Variants in FMNL3 observed in about 807,000 individuals in gnomAD.
FMNL3 encodes formin-like protein 3.
Under a neutral mutation model 119.6 loss-of-function variants are expected in FMNL3, and 57 were observed. The ratio of observed to expected loss-of-function variants is 0.48; its 90% CI spans 0.39 to 0.59. The LOEUF (loss-of-function observed/expected upper bound fraction) is 0.59. FMNL3 is among the 20% of genes least tolerant of loss of function. The probability of loss-of-function intolerance (pLI) is 0.00; values close to 1 mark genes in which losing one functional copy is unlikely to be tolerated. For missense variants in FMNL3, 1,053 were observed against 1,323.5 expected (o/e 0.80, Z 3.17); for synonymous variants, 491 against 507.3 (o/e 0.97, Z 0.43).
chr12:49,662,944 G>A (rs1424374717), intron 4 of FMNL3, among the ~76,000 whole-genome samples: 1 of 152,152 alleles, frequency 6.6e-6, no homozygotes, highest in African/African-American at 2.4e-5. Context: ...AGAATTTCTG[G>A]GGGTCTTTAT....
chr12:49,647,019 A>G lies in FMNL3; in HGVS notation c.2872-10T>C, dbSNP rs756881275. 7 of 1,591,186 alleles carry G rather than the reference A, an allele frequency of 4.4e-6. No individual in the cohort carries two copies. Among genetic ancestry groups the G allele is most frequent in the Non-Finnish European group, 5.9e-6 (7 of 1,177,438 alleles). The stretch of plus-strand genomic sequence containing the variant: ...TCCGCTGGGATGGGGTCTAGGGCCA[A>G]GAATGTGGAGGGGAAGGAAGTCATC... On this transcript the variant is annotated splice_polypyrimidine_tract_variant and intron_variant, in intron 24 of 25. Coordinates refer to ENST00000335154, the MANE Select transcript of FMNL3 (RefSeq NM_175736.5). The surrounding 1 kb of genome is among the most constrained non-coding windows in gnomAD (Gnocchi z 4.9).
At chr12:49,681,119 G>A (rs189661346) in intron 1 of FMNL3, among the ~76,000 whole-genome samples, 1 of 152,388 alleles carries the variant, frequency 6.6e-6, no homozygotes, top group East Asian at 1.9e-4. Context: ...CACAGAGTAA[G>A]AGAGAGACTG....
Position 49,637,719 on chromosome 12 carries a change from C to T in FMNL3, c.*8096G>A, listed in dbSNP as rs755544540. The T allele has an allele frequency of 3.2e-6, 5 of 1,563,724 alleles. No individual in the cohort carries two copies. Among genetic ancestry groups the T allele is most frequent in the Non-Finnish European group, 2.6e-6 (3 of 1,138,148 alleles). On this transcript the variant is annotated 3_prime_UTR_variant, in exon 26 of 26. Transcript: ENST00000335154. ...GCTGCCGCCCGCCAGGCCCCCCTCC[C>T]TCCCTCCTTACAGGCTCCACCCCTC...
intron 9 of FMNL3, among the ~76,000 whole-genome samples, 176 bp from the exon 10 acceptor site, chr12:49,655,160 G>A (rs768500015): frequency 6.6e-6 from 1 of 152,114 alleles, no homozygotes; most frequent in African/African-American, 2.4e-5. Flanking sequence ...GGCCAGGCGC[G>A]GTGGCTCACA....
chr12:49,675,308 C>T (rs796995127), intron 1 of FMNL3, among the ~76,000 whole-genome samples: 3 of 152,310 alleles, frequency 2.0e-5, no homozygotes, highest in African/African-American at 7.2e-5. Context: ...GCTCCTCGGC[C>T]CCTCCTCGTG....
chr12:49,642,552 C>T lies in FMNL3; in HGVS notation c.*3263G>A. On this transcript the variant is annotated 3_prime_UTR_variant, in exon 26 of 26. Transcript: ENST00000335154. The surrounding 1 kb of genome is among the most constrained non-coding windows in gnomAD (Gnocchi z 5.8). ...CAGGCCAGGCTGAGTGGGGCCTAGT[C>T]TGATCAGCAGTGCTCTCCTCGTTCA... The T allele has an allele frequency of 1.2e-6, 2 of 1,612,698 alleles. No homozygotes were observed. The highest frequency in any genetic ancestry group is 2.2e-5 in the South Asian group (2 of 90,946).
chr12:49,704,312 T>C (rs1186128241), intron 1 of FMNL3, among the ~76,000 whole-genome samples: 1 of 152,108 alleles, frequency 6.6e-6, no homozygotes. Flanking sequence ...ACCTCCCAAA[T>C]AGCTTTTTCA....
chr12:49,670,426 G>A lies in FMNL3; in HGVS notation c.127-1872C>T, dbSNP rs561803409. On this transcript the variant is annotated intron_variant, in intron 1 of 25. Coordinates refer to ENST00000335154, the MANE Select transcript of FMNL3 (RefSeq NM_175736.5). ...CTCCAGCTCCCAATATGCATCTAGT[G>A]GGGGCAGTAAGGTGATAATAAACTT... Among the ~76,000 whole-genome samples the A allele has an allele frequency of 1.4e-4, 21 of 152,268 alleles. No homozygotes were observed. The South Asian group carries it at 4.3e-3, about 32-fold the overall frequency.
At position 49,645,163 on chromosome 12, in the gene FMNL3, C is replaced by T. The variant is rs981943274; in HGVS notation, c.*652G>A. 2 of 148,356 alleles carry T rather than the reference C, an allele frequency of 1.3e-5. No individual in the cohort carries two copies. Among genetic ancestry groups the T allele is most frequent in the South Asian group, 2.1e-4 (1 of 4,710 alleles). 9.2% of individuals were successfully genotyped at this position (148,356 alleles called of 1,614,324 possible). ...GAGGAAAGAAGGTGAAGAGTTGGCA[C>T]ACCCTTTCTCCAGCCATCTGCAGAG... On this transcript the variant is annotated 3_prime_UTR_variant, in exon 26 of 26. Coordinates refer to ENST00000335154, the MANE Select transcript of FMNL3 (RefSeq NM_175736.5).
chr12:49,658,255 G>C (rs574115095), intron 6 of FMNL3, among the ~76,000 whole-genome samples, 187 bp downstream of exon 6: 10 of 152,244 alleles, frequency 6.6e-5, no homozygotes, highest in South Asian at 2.1e-4. Context: ...ACTTACCCAG[G>C]ACAGACCGCT....
chr12:49,702,492 T>G (rs1021753577), intron 1 of FMNL3, among the ~76,000 whole-genome samples: 6 of 152,234 alleles, frequency 3.9e-5, no homozygotes, highest in African/African-American at 1.4e-4. Flanking sequence ...TCTTTTCTTC[T>G]TTCTGAATTG....
chr12:49,645,938 G>A, intron 25 of FMNL3, 35 bp from the exon 26 acceptor site: 1 of 1,591,034 alleles, frequency 6.3e-7, no homozygotes, highest in Non-Finnish European at 8.6e-7. Flanking sequence ...GAACAGGATG[G>A]GAGGGTGAGC....
intron 1 of FMNL3, among the ~76,000 whole-genome samples, chr12:49,705,360 A>G (rs1403559234): frequency 2.0e-5 from 3 of 152,174 alleles, no homozygotes; most frequent in Non-Finnish European, 2.9e-5. Flanking sequence ...ATATTAAGCC[A>G]TTAGTTTGCT....
Position 49,637,133 on chromosome 12 carries a change from G to A in FMNL3, c.*8682C>T, listed in dbSNP as rs926496012. The A allele has an allele frequency of 8.6e-6, 5 of 579,826 alleles. No homozygotes were observed. Among genetic ancestry groups the A allele is most frequent in the Non-Finnish European group, 1.2e-5 (4 of 328,010 alleles). 35.9% of individuals were successfully genotyped at this position (579,826 alleles called of 1,614,324 possible). A position where few individuals can be genotyped will look rare whatever the true frequency, so the allele number is the denominator to read the frequency against. Reference sequence around the variant, plus strand: ...AGCTAGGCCATGTTTATTTCCCTTGGTGGGGCACCCGACAGGCAGAGTTTA... The same window carrying A: ...AGCTAGGCCATGTTTATTTCCCTTGATGGGGCACCCGACAGGCAGAGTTTA... On this transcript the variant is annotated 3_prime_UTR_variant, in exon 26 of 26. Transcript: ENST00000335154.
rs541032868 is a variant in FMNL3 at position 49,640,225 on chromosome 12, A to G, written c.*5590T>C. 6.6e-6 allele frequency: 1 copy of G among 152,372 alleles called. No individual in the cohort carries two copies. Among genetic ancestry groups the G allele is most frequent in the African/African-American group, 2.4e-5 (1 of 41,576 alleles). The allele number at this position is 152,372 out of a possible 1,614,324, so 9.4% of individuals were successfully genotyped here. ...AGACAGATCCGGGTCAGGGAGATCC[A>G]TGGAGGATGCTCATGAGAAATATAT... On this transcript the variant is annotated 3_prime_UTR_variant, in exon 26 of 26. Coordinates refer to ENST00000335154, the MANE Select transcript of FMNL3 (RefSeq NM_175736.5).
At chr12:49,646,715 G>T in intron 25 of FMNL3, 171 bp downstream of exon 25, 1 of 1,548,954 alleles carries the variant, frequency 6.5e-7, no homozygotes, top group Non-Finnish European at 8.7e-7. Context: ...CGTGAGCCCC[G>T]CTTGGCAGTA....
chr12:49,672,837 G>A (rs1190033219), intron 1 of FMNL3, among the ~76,000 whole-genome samples: 2 of 152,148 alleles, frequency 1.3e-5, no homozygotes, highest in Non-Finnish European at 2.9e-5. Flanking sequence ...CAGGCCTGGG[G>A]AAAACCCAAA....
chr12:49,636,571 C>T lies in FMNL3; in HGVS notation c.*9244G>A. On this transcript the variant is annotated 3_prime_UTR_variant, in exon 26 of 26. Transcript: ENST00000335154. Reference sequence around the variant, plus strand: ...GAACTACCATTGCAGTGGCTGCTCCCACAGAGCCCCCTCCAGGCCCTTCCC... The same window carrying T: ...GAACTACCATTGCAGTGGCTGCTCCTACAGAGCCCCCTCCAGGCCCTTCCC... The T allele has an allele frequency of 1.0e-6, 1 of 1,004,426 alleles. No individual in the cohort carries two copies. Among genetic ancestry groups the T allele is most frequent in the Non-Finnish European group, 1.5e-6 (1 of 680,248 alleles). The allele number at this position is 1,004,426 out of a possible 1,614,324, so 62.2% of individuals were successfully genotyped here. A position where few individuals can be genotyped will look rare whatever the true frequency, so the allele number is the denominator to read the frequency against.
At chr12:49,679,509 G>C (rs1473635165) in intron 1 of FMNL3, among the ~76,000 whole-genome samples, 1 of 144,222 alleles carries the variant, frequency 6.9e-6, no homozygotes, top group East Asian at 2.0e-4. Context: ...TCTTGGAACA[G>C]CATTTGTGTC....
Sources: gnomAD v4.1 joint callset for allele counts (sites outside exome capture counted in the v4.1 genomes callset) on GRCh38, gnomAD v4.1.1 for gene constraint, Gnocchi (gnomAD v3.1) non-coding constraint, MANE v1.5 for transcripts, NCBI Gene and HGNC (gene_info 2026-07-23, HGNC 2026-07-21) for gene names.